The following E2F3 variants were observed in gnomAD, a reference collection of about 807,000 sequenced individuals.
E2F3 encodes the protein E2F transcription factor 3.
E2F3 carries 11 observed loss-of-function variants against 44.4 expected under a neutral mutation model. The observed-to-expected ratio is 0.25, with a 90% CI of 0.16 to 0.41. E2F3 has a LOEUF of 0.41. E2F3 is among the 10% of genes least tolerant of loss of function. The pLI is 1.00. For synonymous variants in E2F3, 249 were observed against 253.0 expected (o/e 0.98, Z 0.15); for missense variants, 487 against 583.6 (o/e 0.83, Z 1.70).
At chr6:20,486,872 G>A in intron 5 of E2F3, 69 bp downstream of exon 5, 2 of 1,006,280 alleles carry the variant, frequency 2.0e-6, no homozygotes, top group Non-Finnish European at 3.0e-6. Flanking sequence ...ATGACTCATT[G>A]ACTCATAGTT....
chr6:20,423,463 T>G (rs185919740), intron 1 of E2F3, among the ~76,000 whole-genome samples: 3 of 152,240 alleles, frequency 2.0e-5, no homozygotes, highest in African/African-American at 4.8e-5. Flanking sequence ...GATGACTACA[T>G]GTGACATTAC....
chr6:20,468,643 G>A (rs1581638091), intron 1 of E2F3, among the ~76,000 whole-genome samples: 1 of 152,262 alleles, frequency 6.6e-6, no homozygotes, highest in African/African-American at 2.4e-5. Flanking sequence ...CCTCTCCTTG[G>A]AGGTTTAGAG....
At chr6:20,476,075 C>CA (rs1047777799) in intron 1 of E2F3, among the ~76,000 whole-genome samples, 5 of 152,032 alleles carry the variant, frequency 3.3e-5, no homozygotes, top group African/African-American at 1.2e-4. Flanking sequence ...GTTCCCGACT[C>CA]AAAACACTTG....
chr6:20,405,989 A>G (rs1369949761), intron 1 of E2F3, among the ~76,000 whole-genome samples: 1 of 152,166 alleles, frequency 6.6e-6, no homozygotes, highest in Non-Finnish European at 1.5e-5. Flanking sequence ...TTCTTTCCCT[A>G]AGCAGGAAAG....
chr6:20,492,728 T>C lies in E2F3; in HGVS notation c.*2298T>C, dbSNP rs1249449188. 5 of 231,078 alleles carry C rather than the reference T, an allele frequency of 2.2e-5. No individual in the cohort carries two copies. In the East Asian group the frequency reaches 2.5e-4, roughly 11 times the overall value. The allele number at this position is 231,078 out of a possible 1,614,324, so 14.3% of individuals were successfully genotyped here. On this transcript the variant is annotated 3_prime_UTR_variant, in exon 7 of 7. Coordinates refer to ENST00000346618, the MANE Select transcript of E2F3 (RefSeq NM_001949.5). ...AAGGAATACTAATAAGTCTTAAAAG[T>C]TCCTTCATGCATAAGATTTTTTTCC...
chr6:20,459,768 C>A (rs1761437212), intron 1 of E2F3, among the ~76,000 whole-genome samples: 1 of 152,112 alleles, frequency 6.6e-6, no homozygotes, highest in Non-Finnish European at 1.5e-5. Flanking sequence ...TGTGGTGAAA[C>A]CCTGTCTCTC....
rs1472970318 is a variant in E2F3, at chr6:20,482,938, A to T, written c.884+18A>T. On this transcript the variant is annotated intron_variant, in intron 4 of 6. Transcript: ENST00000346618. ...AATCAAAGATATCCTTTGTGCCGCC[A>T]GTTCTCTGGGGGTTAGTGCTTCCTA... 1.9e-6 allele frequency: 3 copies of T among 1,612,914 alleles called. No homozygotes were observed. Among genetic ancestry groups the T allele is most frequent in the Non-Finnish European group, 1.7e-6 (2 of 1,179,168 alleles).
At position 20,436,496 on chromosome 6, in the gene E2F3, A is replaced by AG. The variant is rs1561859943; in HGVS notation, c.393+33871_393+33872insG. Among the ~76,000 whole-genome samples the AG allele has an allele frequency of 4.4e-5, 5 of 113,452 alleles. No homozygotes were observed. In the Admixed American group the frequency reaches 4.5e-4, roughly 10 times the overall value. The allele number at this position is 113,452 out of a possible 152,430, so 74.4% of individuals were successfully genotyped here. On this transcript the variant is annotated intron_variant, in intron 1 of 6. Coordinates refer to ENST00000346618, the MANE Select transcript of E2F3 (RefSeq NM_001949.5). ...ACACACACAGAGAGAGAGAGAGAGA[A>AG]AAATTTTGTAACGTTTTAAGAAACT...
intron 1 of E2F3, among the ~76,000 whole-genome samples, chr6:20,432,415 G>A (rs1760436421): frequency 6.6e-6 from 1 of 152,218 alleles, no homozygotes; most frequent in African/African-American, 2.4e-5. Context: ...CTTACCTGAA[G>A]GAGTTCAAAG....
chr6:20,459,798 C>G (rs2127606013), intron 1 of E2F3, among the ~76,000 whole-genome samples: 1 of 152,164 alleles, frequency 6.6e-6, no homozygotes, highest in South Asian at 2.1e-4. Context: ...ACAAATTAGC[C>G]AGGTGTGGTG....
At chr6:20,453,099 G>GGAGATTGCAAATCTCCCTT (rs1761187682) in intron 1 of E2F3, among the ~76,000 whole-genome samples, 1 of 151,948 alleles carries the variant, frequency 6.6e-6, no homozygotes, top group Admixed American at 6.6e-5. Context: ...GATTTGTAAG[G>GGAGATTGCAAATCTCCCTT]GCTCTTTATA....
chr6:20,479,704 T>C lies in E2F3; in HGVS notation c.394-142T>C, dbSNP rs1444979241. The C allele has an allele frequency of 2.7e-5, 18 of 655,216 alleles. No homozygotes were observed. In the Admixed American group the frequency reaches 4.2e-4, roughly 15 times the overall value. 40.6% of individuals were successfully genotyped at this position (655,216 alleles called of 1,614,324 possible). A position where few individuals can be genotyped will look rare whatever the true frequency, so the allele number is the denominator to read the frequency against. On this transcript the variant is annotated intron_variant, in intron 1 of 6. Coordinates refer to ENST00000346618, the MANE Select transcript of E2F3 (RefSeq NM_001949.5). Reference sequence around the variant, plus strand: ...ACGCTAGAATCCTGGCTCTAGGGAATGACAAGATGCTGAGTGGGGTGGAGC... The same window carrying C: ...ACGCTAGAATCCTGGCTCTAGGGAACGACAAGATGCTGAGTGGGGTGGAGC...
chr6:20,465,236 C>T (rs1761661550), intron 1 of E2F3, among the ~76,000 whole-genome samples: 1 of 152,192 alleles, frequency 6.6e-6, no homozygotes. Context: ...CTTGATTAAT[C>T]TGCCTGACTA....
chr6:20,402,041 G>A lies in E2F3; in HGVS notation c.-192G>A, dbSNP rs1285508188. 6.0e-6 allele frequency: 6 copies of A among 997,362 alleles called. No individual in the cohort carries two copies. The highest frequency in any genetic ancestry group is 2.0e-5 in the South Asian group (1 of 49,110). 61.8% of individuals were successfully genotyped at this position (997,362 alleles called of 1,614,324 possible). ...CGGCCGGGACCCTCCTCTCTCCAGA[G>A]CCCCGATTATTTTTGGCCCCCGGGG... On this transcript the variant is annotated 5_prime_UTR_variant, in exon 1 of 7. Coordinates refer to ENST00000346618, the MANE Select transcript of E2F3 (RefSeq NM_001949.5). This position sits in a 1 kb window ranked among gnomAD's most constrained non-coding sequence, Gnocchi z 5.6.
intron 1 of E2F3, among the ~76,000 whole-genome samples, chr6:20,469,161 T>C (rs948885971): frequency 8.5e-5 from 13 of 152,324 alleles, no homozygotes; most frequent in African/African-American, 2.9e-4. Context: ...AGAAAGGATA[T>C]ATAGTCTCAG....
chr6:20,469,167 C>G (rs1432132896), intron 1 of E2F3, among the ~76,000 whole-genome samples: 1 of 152,152 alleles, frequency 6.6e-6, no homozygotes, highest in Non-Finnish European at 1.5e-5. Context: ...GATATATAGT[C>G]TCAGTATATT....
chr6:20,431,414 T>C (rs1196635170), intron 1 of E2F3, among the ~76,000 whole-genome samples: 1 of 152,228 alleles, frequency 6.6e-6, no homozygotes, highest in Non-Finnish European at 1.5e-5. Flanking sequence ...GAGATTTGCC[T>C]TCTGCTGACG....
At chr6:20,467,879 TG>T (rs1180444186) in intron 1 of E2F3, among the ~76,000 whole-genome samples, 1 of 151,616 alleles carries the variant, frequency 6.6e-6, no homozygotes, top group Non-Finnish European at 1.5e-5. Context: ...CTCCATACCA[TG>T]GGTATGGAGC....
Position 20,487,138 on chromosome 6 carries a change from G to C in E2F3, c.999+335G>C, listed in dbSNP as rs73384667. The stretch of plus-strand genomic sequence containing the variant: ...GTTTATATTGATTATCCTGTATATG[G>C]TCCCCACCACGAACAGATATATAAA... On this transcript the variant is annotated intron_variant, in intron 5 of 6. Coordinates refer to ENST00000346618, the MANE Select transcript of E2F3 (RefSeq NM_001949.5). 5.4e-3 allele frequency among the ~76,000 whole-genome samples: 820 copies of C among 152,172 alleles called. 7 individuals are homozygous for C. Among genetic ancestry groups the C allele is most frequent in the African/African-American group, 0.019 (793 of 41,488 alleles).
Sources: gnomAD v4.1 joint callset for allele counts (sites outside exome capture counted in the v4.1 genomes callset) on GRCh38, gnomAD v4.1.1 for gene constraint, Gnocchi (gnomAD v3.1) non-coding constraint, MANE v1.5 for transcripts, NCBI Gene and HGNC (gene_info 2026-07-23, HGNC 2026-07-21) for gene names.